Variants in ERCC6 observed in about 807,000 individuals in gnomAD.
ERCC6 encodes ERCC excision repair 6, chromatin remodeling factor.
A neutral mutation model predicts 158.7 loss-of-function variants in ERCC6; 116 were observed. The observed-to-expected ratio is 0.73, with a 90% CI of 0.63 to 0.85. ERCC6 has a LOEUF of 0.85. ERCC6 is among the 40% of genes least tolerant of loss of function. The pLI is 0.00. For missense variants in ERCC6, 1,698 were observed against 1,799.4 expected (o/e 0.94, Z 1.02); for synonymous variants, 678 against 659.3 (o/e 1.03, Z -0.43).
intron 16 of ERCC6, 70 bp downstream of exon 16, chr10:49,472,306 C>T: frequency 7.4e-7 from 1 of 1,344,466 alleles, no homozygotes; most frequent in Non-Finnish European, 1.1e-6. Context: ...TTAAAAACAA[C>T]ACTTTGGAAA....
intron 3 of ERCC6, among the ~76,000 whole-genome samples, chr10:49,528,765 T>C (rs1392771168): frequency 1.3e-5 from 2 of 152,186 alleles, no homozygotes; most frequent in Non-Finnish European, 2.9e-5. Context: ...CCCCATGCTC[T>C]CCTGAGGACG....
At chr10:49,465,827 T>G (rs892434718) in intron 18 of ERCC6, among the ~76,000 whole-genome samples, 7 of 152,318 alleles carry the variant, frequency 4.6e-5, no homozygotes, top group African/African-American at 1.4e-4. Context: ...CAATTAAACC[T>G]CTTTCTTTTG....
At chr10:49,495,058 C>T (rs1851243998) in intron 7 of ERCC6, among the ~76,000 whole-genome samples, 1 of 152,154 alleles carries the variant, frequency 6.6e-6, no homozygotes, top group African/African-American at 2.4e-5. Flanking sequence ...TCCTCCTGCC[C>T]TTCTGGGACA....
intron 8 of ERCC6, among the ~76,000 whole-genome samples, chr10:49,485,121 G>A (rs1354678236): frequency 6.6e-6 from 1 of 152,218 alleles, no homozygotes; most frequent in Non-Finnish European, 1.5e-5. Flanking sequence ...ATGCCCTGAA[G>A]AAGGAAAGAC....
In ERCC6 at chr10:49,457,353, A is replaced by G. The variant is rs575214077; in HGVS notation, c.*1462T>C. 1 of 152,364 alleles carries G rather than the reference A, an allele frequency of 6.6e-6. No individual in the cohort carries two copies. Among genetic ancestry groups the G allele is most frequent in the Middle Eastern group, 3.4e-3 (1 of 294 alleles). 9.4% of individuals were successfully genotyped at this position (152,364 alleles called of 1,614,324 possible). A position where few individuals can be genotyped will look rare whatever the true frequency, so the allele number is the denominator to read the frequency against. On this transcript the variant is annotated 3_prime_UTR_variant, in exon 21 of 21. Transcript: ENST00000355832. ...TAAAAACAAAAGAAATGAACAAGCT[A>G]TAATCCAAAAAAAACTAGAAAATCC... is the stretch of plus-strand genomic sequence containing the variant.
chr10:49,499,107 T>C (rs1590434088), intron 7 of ERCC6, among the ~76,000 whole-genome samples: 1 of 152,210 alleles, frequency 6.6e-6, no homozygotes, highest in East Asian at 1.9e-4. Context: ...CTTCAACTTT[T>C]CCTTTGGTCT....
At chr10:49,449,168 C>A (rs997927582), downstream of ERCC6, among the ~76,000 whole-genome samples, 1 of 152,164 alleles carries the variant, frequency 6.6e-6, no homozygotes, top group Non-Finnish European at 1.5e-5. Flanking sequence ...TTTTAGCCAA[C>A]TTAGTGGGTG....
chr10:49,513,571 G>A (rs1336962939), intron 5 of ERCC6, among the ~76,000 whole-genome samples: 1 of 152,142 alleles, frequency 6.6e-6, no homozygotes. Context: ...GCACGGCTGG[G>A]AGGCCTCAGG....
At position 49,521,720 on chromosome 10, in the gene ERCC6, A is replaced by G. The variant is rs139550619; in HGVS notation, c.1397+2313T>C. Among the ~76,000 whole-genome samples the G allele has an allele frequency of 7.9e-5, 12 of 152,334 alleles. No individual in the cohort carries two copies. In the East Asian group the frequency reaches 1.7e-3, roughly 22 times the overall value. ...GCAGAGGAGGAGGCAGGAGAAACAC[A>G]TGAGAAGGGGGAATACACGGTTTGA... On this transcript the variant is annotated intron_variant, in intron 5 of 20. Transcript: ENST00000355832.
chr10:49,451,153 T>A (rs1850416174), downstream of ERCC6, among the ~76,000 whole-genome samples: 1 of 150,118 alleles, frequency 6.7e-6, no homozygotes, highest in African/African-American at 2.4e-5. Flanking sequence ...CCCATCTTGC[T>A]GAACTCACTT....
chr10:49,470,484 C>CT lies in ERCC6; in HGVS notation c.3475dup (p.Arg1159LysfsTer14). The CT allele has an allele frequency of 6.2e-7, 1 of 1,614,142 alleles. No individual in the cohort carries two copies. The highest frequency in any genetic ancestry group is 8.5e-7 in the Non-Finnish European group (1 of 1,180,008). On this transcript the variant is annotated frameshift_variant, in exon 18 of 21. Coordinates refer to ENST00000355832, the MANE Select transcript of ERCC6 (RefSeq NM_000124.4). LOFTEE classifies it high-confidence loss of function. ...AGCTTCTGTTTGAGCCTGGCTGGGT[C>CT]TTTCTCTTTTGTAAGAAAGACCTAA...
chr10:49,525,332 C>T (rs76977396), intron 4 of ERCC6: 2,245 of 160,738 alleles, frequency 0.014, 48 homozygotes, highest in African/African-American at 0.05. Flanking sequence ...AAACTCAGTT[C>T]CACAGTTGCA....
chr10:49,470,529 T>C lies in ERCC6; in HGVS notation c.3431A>G (p.Asp1144Gly), dbSNP rs371109408. 1.2e-6 allele frequency: 2 copies of C among 1,614,116 alleles called. No individual in the cohort carries two copies. Among genetic ancestry groups the C allele is most frequent in the African/African-American group, 2.7e-5 (2 of 74,950 alleles). Residue 1144 changes from aspartate to glycine, a missense_variant, in exon 18 of 21, where the codon GAT becomes GGT. Physicochemically the swap from Asp to Gly is moderately conservative, Grantham distance 94 (BLOSUM62 -1). Coordinates refer to ENST00000355832, the MANE Select transcript of ERCC6 (RefSeq NM_000124.4). ...GTGKTSMPSG[D>G]ESIDEKLGLS... ...ACCTAACTTTTCATCAATGCTTTCA[T>C]CACCAGATGGCATAGAAGTTTTGCC...
chr10:49,507,153 T>C (rs1311451249), intron 5 of ERCC6, among the ~76,000 whole-genome samples: 1 of 152,144 alleles, frequency 6.6e-6, no homozygotes, highest in African/African-American at 2.4e-5. Flanking sequence ...AGCCCAATGC[T>C]AGTATGTAGG....
the ERCC6 span, among the ~76,000 whole-genome samples, chr10:49,443,260 G>T: frequency 6.6e-6 from 1 of 152,058 alleles, no homozygotes; most frequent in Non-Finnish European, 1.5e-5. Context: ...GAGGTTAAAG[G>T]AAGTTAAATC....
At chr10:49,490,369 T>TG (rs1271412036) in intron 8 of ERCC6, among the ~76,000 whole-genome samples, 1 of 151,500 alleles carries the variant, frequency 6.6e-6, no homozygotes, top group African/African-American at 2.4e-5. Context: ...TTTTTTTTTT[T>TG]TTTGAGACAG....
intron 1 of ERCC6, among the ~76,000 whole-genome samples, chr10:49,534,621 A>G (rs565743411): frequency 6.6e-6 from 1 of 152,292 alleles, no homozygotes; most frequent in South Asian, 2.1e-4. Context: ...AATAAGGGGG[A>G]ATGTTCACAT....
intron 7 of ERCC6, among the ~76,000 whole-genome samples, chr10:49,495,091 G>T (rs568509273): frequency 9.9e-5 from 15 of 152,252 alleles, no homozygotes; most frequent in African/African-American, 3.6e-4. Flanking sequence ...CCCTTTTCTT[G>T]TTTGAGACCA....
intron 18 of ERCC6, 38 bp from the exon 19 acceptor site, chr10:49,461,594 T>C: frequency 6.3e-7 from 1 of 1,575,568 alleles, no homozygotes; most frequent in Admixed American, 1.8e-5. Flanking sequence ...TATTTCACTC[T>C]GTATGCAAGA....
Sources: gnomAD v4.1 joint callset for allele counts (sites outside exome capture counted in the v4.1 genomes callset) on GRCh38, gnomAD v4.1.1 for gene constraint, MANE v1.5 for transcripts, NCBI Gene and HGNC (gene_info 2026-07-23, HGNC 2026-07-21) for gene names.